SLC35F4: variants seen among roughly 807,000 people sequenced by gnomAD.
The protein encoded by SLC35F4 is chromosome 14 open reading frame 36.
SLC35F4 carries 24 observed loss-of-function variants against 44.2 expected under a neutral mutation model. That is an observed-to-expected ratio of 0.54 (90% CI 0.39 to 0.76). The LOEUF (loss-of-function observed/expected upper bound fraction) is 0.76. Ranked by LOEUF, SLC35F4 falls within the 30% of genes least tolerant of loss-of-function variation. The pLI, the probability that SLC35F4 is intolerant of heterozygous loss-of-function variation, is 0.00. For missense variants in SLC35F4, 562 were observed against 586.1 expected, an observed-to-expected ratio of 0.96 and a Z score of 0.42; for synonymous variants, 238 against 223.6, an observed-to-expected ratio of 1.06 and a Z score of -0.57.
At chr14:57,634,479 G>C (rs574994545) in intron 1 of SLC35F4, among the ~76,000 whole-genome samples, 2 of 152,196 alleles carry the variant, frequency 1.3e-5, no homozygotes, top group African/African-American at 2.4e-5. Flanking sequence ...TGAACTGAAA[G>C]ATATGAATGA....
intron 1 of SLC35F4, among the ~76,000 whole-genome samples, chr14:57,844,817 C>G (rs74445390): frequency 6.6e-6 from 1 of 152,102 alleles, no homozygotes; most frequent in African/African-American, 2.4e-5. Context: ...CTCTTCACTG[C>G]CCTCCGCCCT....
intron 1 of SLC35F4, among the ~76,000 whole-genome samples, chr14:57,662,533 T>C (rs952913038): frequency 7.9e-5 from 12 of 152,196 alleles, no homozygotes; most frequent in Non-Finnish European, 1.0e-4. Context: ...TTGCCCTTTT[T>C]ACATGCCAAC....
chr14:57,777,416 GC>G (rs1344879116), intron 1 of SLC35F4, among the ~76,000 whole-genome samples: 3 of 152,148 alleles, frequency 2.0e-5, no homozygotes, highest in Admixed American at 2.0e-4. Context: ...AGAAAATGTG[GC>G]ACATATACAC....
At chr14:57,646,292 A>C (rs1366890071) in intron 1 of SLC35F4, among the ~76,000 whole-genome samples, 1 of 152,038 alleles carries the variant, frequency 6.6e-6, no homozygotes, top group East Asian at 1.9e-4. Context: ...TTATTGTCTC[A>C]ATTTCAGAGC....
intron 1 of SLC35F4, among the ~76,000 whole-genome samples, chr14:57,773,577 C>G (rs1441528626): frequency 6.6e-6 from 1 of 152,018 alleles, no homozygotes; most frequent in Non-Finnish European, 1.5e-5. Flanking sequence ...TACAACTTTT[C>G]CAGTGTAGAT....
At chr14:57,662,500 G>T (rs1224199359) in intron 1 of SLC35F4, among the ~76,000 whole-genome samples, 1 of 152,182 alleles carries the variant, frequency 6.6e-6, no homozygotes, top group African/African-American at 2.4e-5. Flanking sequence ...AGAGCAGGTT[G>T]TTATAAGCCT....
chr14:57,819,212 A>G (rs948221231), intron 1 of SLC35F4, among the ~76,000 whole-genome samples: 1 of 152,184 alleles, frequency 6.6e-6, no homozygotes. Flanking sequence ...TCTAAAACCA[A>G]TAACACTCCT....
intron 1 of SLC35F4, among the ~76,000 whole-genome samples, chr14:57,655,788 T>C (rs1013591942): frequency 6.6e-6 from 1 of 152,160 alleles, no homozygotes; most frequent in Non-Finnish European, 1.5e-5. Context: ...TCAAGTGTCA[T>C]GACTCACAAC....
intron 1 of SLC35F4, among the ~76,000 whole-genome samples, chr14:57,864,737 T>C (rs1052502485): frequency 1.4e-4 from 22 of 152,128 alleles, no homozygotes; most frequent in African/African-American, 5.3e-4. Context: ...CAATTAAGCT[T>C]CATCTGTTGC....
At chr14:57,803,882 G>A (rs753091968) in intron 1 of SLC35F4, among the ~76,000 whole-genome samples, 3 of 151,788 alleles carry the variant, frequency 2.0e-5, no homozygotes, top group Non-Finnish European at 4.4e-5. Flanking sequence ...GAGCCACCCA[G>A]TCCCAAAAGC....
chr14:57,971,102 A>G (rs1021479912), intron 1 of SLC35F4, among the ~76,000 whole-genome samples: 1 of 152,190 alleles, frequency 6.6e-6, no homozygotes, highest in Non-Finnish European at 1.5e-5. Context: ...ACAATGCAAA[A>G]ATTAATAACT....
intron 1 of SLC35F4, among the ~76,000 whole-genome samples, chr14:57,686,813 T>C (rs999675779): frequency 1.3e-5 from 2 of 152,176 alleles, no homozygotes; most frequent in African/African-American, 4.8e-5. Context: ...ATTATATTTT[T>C]AGATTTCTTA....
chr14:57,577,952 T>G (rs1182192413), intron 4 of SLC35F4, among the ~76,000 whole-genome samples: 2 of 152,190 alleles, frequency 1.3e-5, no homozygotes, highest in Non-Finnish European at 1.5e-5. Context: ...TCATACTAAA[T>G]GTAAAACAGA....
At chr14:57,769,768 G>A (rs117757620) in intron 1 of SLC35F4, among the ~76,000 whole-genome samples, 54 of 152,152 alleles carry the variant, frequency 3.5e-4, no homozygotes, top group Non-Finnish European at 7.2e-4. Context: ...GGGTGCTTAG[G>A]GATTCTGTAA....
chr14:57,608,765 G>C (rs903781985), intron 1 of SLC35F4, among the ~76,000 whole-genome samples: 3 of 134,258 alleles, frequency 2.2e-5, no homozygotes, highest in Non-Finnish European at 4.5e-5. Context: ...GTTAAAAAAA[G>C]AAAAGCAGCC....
At chr14:57,758,540 A>C (rs1006048673) in intron 1 of SLC35F4, among the ~76,000 whole-genome samples, 1 of 152,058 alleles carries the variant, frequency 6.6e-6, no homozygotes, top group African/African-American at 2.4e-5. Flanking sequence ...TCCATGTCTT[A>C]ACATTGTCAA....
intron 1 of SLC35F4, among the ~76,000 whole-genome samples, chr14:57,872,346 T>A (rs1014544116): frequency 3.9e-5 from 6 of 152,176 alleles, no homozygotes; most frequent in Non-Finnish European, 8.8e-5. Context: ...TCCTTTTTTT[T>A]TTTTAGTACC....
intron 1 of SLC35F4, among the ~76,000 whole-genome samples, chr14:57,969,896 C>T (rs926490034): frequency 6.6e-6 from 1 of 152,158 alleles, no homozygotes; most frequent in Non-Finnish European, 1.5e-5. Context: ...TGCTCCTCAA[C>T]GTCCCAGCAG....
At chr14:57,730,750 G>A (rs1340371655) in intron 1 of SLC35F4, among the ~76,000 whole-genome samples, 1 of 152,114 alleles carries the variant, frequency 6.6e-6, no homozygotes, top group Non-Finnish European at 1.5e-5. Flanking sequence ...AGATCCACAT[G>A]CTTCTGCAGC....
Sources: gnomAD v4.1 joint callset for allele counts (sites outside exome capture counted in the v4.1 genomes callset) on GRCh38, gnomAD v4.1.1 for gene constraint, MANE v1.5 for transcripts, NCBI Gene and HGNC (gene_info 2026-07-23, HGNC 2026-07-21) for gene names.